The following PYHIN1 variants were observed in gnomAD, a reference collection of about 807,000 sequenced individuals.
PYHIN1 encodes pyrin and HIN domain-containing protein 1.
In PYHIN1, 32 loss-of-function variants were observed where a neutral mutation model predicts 43.7. The ratio of observed to expected loss-of-function variants is 0.73; its 90% CI spans 0.55 to 0.98. PYHIN1 has a LOEUF of 0.98. PYHIN1 is among the 50% of genes least tolerant of loss of function. PYHIN1 has a pLI of 0.00. For missense variants in PYHIN1, 588 were observed against 589.5 expected (o/e 1.00, Z 0.03); for synonymous variants, 205 against 203.1 (o/e 1.01, Z -0.08).
intron 7 of PYHIN1, among the ~76,000 whole-genome samples, chr1:158,953,000 CT>C (rs1216585166): frequency 1.3e-5 from 2 of 152,192 alleles, no homozygotes; most frequent in Admixed American, 1.3e-4. Flanking sequence ...ATCGACGCAC[CT>C]GGAAAATCGG....
At chr1:158,981,963 G>T (rs1651497589), downstream of PYHIN1, among the ~76,000 whole-genome samples, 3 of 152,042 alleles carry the variant, frequency 2.0e-5, no homozygotes, top group Admixed American at 2.0e-4. Flanking sequence ...TCTATTCATG[G>T]CTTTTAACCA....
the PYHIN1 span, among the ~76,000 whole-genome samples, chr1:158,987,211 C>T: frequency 6.6e-6 from 1 of 152,186 alleles, no homozygotes; most frequent in African/African-American, 2.4e-5. Flanking sequence ...TTCTCCACAA[C>T]CTCATCAACA....
the PYHIN1 span, among the ~76,000 whole-genome samples, chr1:158,984,459 G>T: frequency 6.6e-6 from 1 of 152,096 alleles, no homozygotes; most frequent in South Asian, 2.1e-4. Context: ...ATGATTTTCA[G>T]AGATCTTCTT....
At chr1:158,977,853 T>C (rs1651348697), downstream of PYHIN1, among the ~76,000 whole-genome samples, 1 of 152,124 alleles carries the variant, frequency 6.6e-6, no homozygotes, top group African/African-American at 2.4e-5. Flanking sequence ...TTGGGTTAGG[T>C]GTGCTAATGT....
chr1:158,963,550 C>A (rs1650452309), intron 7 of PYHIN1, among the ~76,000 whole-genome samples: 1 of 152,206 alleles, frequency 6.6e-6, no homozygotes, highest in Admixed American at 6.5e-5. Flanking sequence ...GGAGCCCACA[C>A]TTTCAGAGCA....
At chr1:158,952,154 G>C (rs923876079) in intron 7 of PYHIN1, among the ~76,000 whole-genome samples, 11 of 137,742 alleles carry the variant, frequency 8.0e-5, no homozygotes, top group Non-Finnish European at 1.4e-4. Context: ...CCCGCTGCCT[G>C]TTGGGTGGAC....
At chr1:158,964,918 C>T (rs563465179) in intron 7 of PYHIN1, among the ~76,000 whole-genome samples, 4 of 152,238 alleles carry the variant, frequency 2.6e-5, no homozygotes, top group South Asian at 4.2e-4. Context: ...AGGCTACACA[C>T]TCCACTTAAA....
At position 158,937,944 on chromosome 1, in the gene PYHIN1, C is replaced by CAA. The variant is rs11444947; in HGVS notation, c.266-439_266-438dup. Among the ~76,000 whole-genome samples the CAA allele has an allele frequency of 2.4e-3, 271 of 114,068 alleles. No individual in the cohort carries two copies. In the South Asian group the frequency reaches 0.035, roughly 15 times the overall value. 74.8% of individuals were successfully genotyped at this position (114,068 alleles called of 152,430 possible). A position where few individuals can be genotyped will look rare whatever the true frequency, so the allele number is the denominator to read the frequency against. ...TGGGCGACAGAGCGAGACTCCGTCTCAAAAAAAAAAAAAAAGAAAAAAAGT... is the reference window on the plus strand; with the variant it reads ...TGGGCGACAGAGCGAGACTCCGTCTCAAAAAAAAAAAAAAAAAGAAAAAAAGT... On this transcript the variant is annotated intron_variant, in intron 2 of 8. Coordinates refer to ENST00000368140, the MANE Select transcript of PYHIN1 (RefSeq NM_152501.5).
Position 158,942,200 on chromosome 1 carries a change from T to C in PYHIN1, c.803T>C (p.Ile268Thr). ...NLKRKFIKKR[I>T]IIISNYSKRN... Reference sequence around the variant, plus strand: ...AAGAGGAAATTCATTAAAAAGAGAATCATCATTATATCAAATTATTCCAAA... The same window carrying C: ...AAGAGGAAATTCATTAAAAAGAGAACCATCATTATATCAAATTATTCCAAA... Residue 268 changes from isoleucine to threonine, a missense_variant, in exon 5 of 9, where the codon ATC (isoleucine) becomes ACC (threonine). Physicochemically the swap from Ile to Thr is moderately conservative, Grantham distance 89 (BLOSUM62 -1). Coordinates refer to ENST00000368140, the MANE Select transcript of PYHIN1 (RefSeq NM_152501.5). 6.2e-7 allele frequency: 1 copy of C among 1,613,974 alleles called. No individual in the cohort carries two copies.
chr1:158,957,802 A>G (rs2101698823), intron 7 of PYHIN1, among the ~76,000 whole-genome samples: 1 of 147,708 alleles, frequency 6.8e-6, no homozygotes, highest in East Asian at 2.0e-4. Context: ...AGAAACTACC[A>G]TCAGAGTGAA....
In PYHIN1 at chr1:158,976,772, C is replaced by A. The variant is rs759463366; in HGVS notation, c.*77C>A. On this transcript the variant is annotated 3_prime_UTR_variant, in exon 9 of 9. Transcript: ENST00000368140. Reference sequence around the variant, plus strand: ...CAAGTGTGGAAATTTTGCCTGAAGTCCTCCACCTAAAAACCTGATGCCATT... The same window carrying A: ...CAAGTGTGGAAATTTTGCCTGAAGTACTCCACCTAAAAACCTGATGCCATT... 6.6e-7 allele frequency: 1 copy of A among 1,510,556 alleles called. No individual in the cohort carries two copies. Among genetic ancestry groups the A allele is most frequent in the Non-Finnish European group, 9.1e-7 (1 of 1,093,878 alleles). The allele number at this position is 1,510,556 out of a possible 1,614,324, so 93.6% of individuals were successfully genotyped here. A position where few individuals can be genotyped will look rare whatever the true frequency, so the allele number is the denominator to read the frequency against.
chr1:158,986,206 C>T, the PYHIN1 span, among the ~76,000 whole-genome samples: 1 of 152,112 alleles, frequency 6.6e-6, no homozygotes, highest in African/African-American at 2.4e-5. Context: ...AGTTCTTGCA[C>T]TGGTTCTTTC....
chr1:158,942,482 A>G (rs761744146), intron 5 of PYHIN1, 83 bp downstream of exon 5: 223 of 1,118,862 alleles, frequency 2.0e-4, no homozygotes, highest in Non-Finnish European at 2.6e-4. Flanking sequence ...GGAAGTTTGC[A>G]TATTACTTAA....
At chr1:158,990,419 A>G in the PYHIN1 span, among the ~76,000 whole-genome samples, 1 of 151,894 alleles carries the variant, frequency 6.6e-6, no homozygotes, top group Non-Finnish European at 1.5e-5. Flanking sequence ...ATATGTTTTT[A>G]TCAGGTACAA....
chr1:158,956,269 C>G (rs1649925114), intron 7 of PYHIN1, among the ~76,000 whole-genome samples: 1 of 151,980 alleles, frequency 6.6e-6, no homozygotes, highest in African/African-American at 2.4e-5. Context: ...CAGCATCATT[C>G]TGATACCAAA....
At chr1:158,978,591 A>G (rs977353283), downstream of PYHIN1, among the ~76,000 whole-genome samples, 1 of 152,152 alleles carries the variant, frequency 6.6e-6, no homozygotes, top group African/African-American at 2.4e-5. Context: ...ATTACTTTAC[A>G]TAAACTAGGT....
intron 4 of PYHIN1, chr1:158,939,464 G>T: frequency 6.4e-7 from 1 of 1,551,464 alleles, no homozygotes. Context: ...TGTGCTGTTT[G>T]GGGAAGAGAC....
intron 7 of PYHIN1, among the ~76,000 whole-genome samples, chr1:158,972,517 TAGAG>T (rs1335286592): frequency 6.6e-5 from 10 of 152,028 alleles, no homozygotes; most frequent in Non-Finnish European, 5.9e-5. Context: ...GATCCAGATA[TAGAG>T]AAAGAGTGGA....
At chr1:158,980,519 C>T (rs1199687944), downstream of PYHIN1, among the ~76,000 whole-genome samples, 2 of 151,980 alleles carry the variant, frequency 1.3e-5, no homozygotes, top group Non-Finnish European at 2.9e-5. Context: ...GAATGGAATG[C>T]GTTCCTGGGG....
Sources: allele counts gnomAD v4.1 joint callset (sites outside exome capture counted in the v4.1 genomes callset), GRCh38; gene constraint gnomAD v4.1.1; transcripts MANE v1.5; gene names NCBI Gene and HGNC (gene_info 2026-07-23, HGNC 2026-07-21).